Variants in DENND1A observed in about 807,000 individuals in gnomAD.
DENND1A encodes DENN domain-containing protein 1A.
DENND1A carries 51 observed loss-of-function variants against 113.7 expected under a neutral mutation model. The ratio of observed to expected loss-of-function variants is 0.45; its 90% CI spans 0.36 to 0.57. The LOEUF (loss-of-function observed/expected upper bound fraction) is 0.57, where lower values mean the gene tolerates loss of function less well. Ranked by LOEUF, DENND1A falls within the 20% of genes least tolerant of loss-of-function variation. DENND1A has a pLI of 0.00. For synonymous variants in DENND1A, 565 were observed against 570.8 expected, an observed-to-expected ratio of 0.99 and a Z score of 0.14; for missense variants, 1,258 against 1,395.9, an observed-to-expected ratio of 0.90 and a Z score of 1.57.
intron 19 of DENND1A, among the ~76,000 whole-genome samples, chr9:123,412,083 C>T (rs905108108): frequency 2.6e-5 from 4 of 151,490 alleles, no homozygotes; most frequent in Non-Finnish European, 5.9e-5. Context: ...CTCCACCATG[C>T]TCCACACAGG....
chr9:123,381,868 G>A lies in DENND1A; in HGVS notation c.2777C>T (p.Ala926Val). The part of the protein sequence containing the change: ...FGAPPASLGP[A>V]FASGLLLSSA... ...GGACAGCAGGAGGCCGGACGCAAAA[G>A]CCGGCCCCAGGGAAGCTGGAGGGGC... is the stretch of plus-strand genomic sequence containing the variant. Residue 926 changes from alanine (A) to valine (V), a missense_variant, in exon 24 of 24, where the codon GCT becomes GTT. By Grantham distance (64) the Ala-to-Val change is moderately conservative. Coordinates refer to ENST00000394215, the MANE Select transcript of DENND1A (RefSeq NM_001352964.2). This position sits in a 1 kb window ranked among gnomAD's most constrained non-coding sequence, Gnocchi z 4.7. The A allele has an allele frequency of 1.4e-6, 2 of 1,423,062 alleles. No individual in the cohort carries two copies. The highest frequency in any genetic ancestry group is 1.8e-6 in the Non-Finnish European group (2 of 1,084,050). The allele number at this position is 1,423,062 out of a possible 1,614,324, so 88.2% of individuals were successfully genotyped here. A position where few individuals can be genotyped will look rare whatever the true frequency, so the allele number is the denominator to read the frequency against.
At chr9:123,923,524 G>C (rs1856626846) in intron 1 of DENND1A, among the ~76,000 whole-genome samples, 1 of 152,220 alleles carries the variant, frequency 6.6e-6, no homozygotes, top group South Asian at 2.1e-4. Context: ...TACGTTAGTT[G>C]TGCTATACAA....
In DENND1A at chr9:123,529,886, A is replaced by G. The variant is rs376963728; in HGVS notation, c.993+27684T>C. Among the ~76,000 whole-genome samples the G allele has an allele frequency of 5.9e-5, 9 of 152,376 alleles. No individual in the cohort carries two copies. The East Asian group carries it at 1.7e-3, about 29-fold the overall frequency. ...AGGTGTTAGGCAGACATGGATTCAG[A>G]TCCAGGCTCTACCTCTTACTAGCTA... is the stretch of plus-strand genomic sequence containing the variant. On this transcript the variant is annotated intron_variant, in intron 13 of 23. Coordinates refer to ENST00000394215, the MANE Select transcript of DENND1A (RefSeq NM_001352964.2).
Position 123,467,432 on chromosome 9 carries a change from G to A in DENND1A, c.994-9535C>T, listed in dbSNP as rs139460407. Among the ~76,000 whole-genome samples, 295 of 152,272 alleles carry A rather than the reference G, an allele frequency of 1.9e-3. 6 individuals carry two copies. The highest frequency in any genetic ancestry group is 7.5e-4 in the Non-Finnish European group (51 of 68,022). The stretch of plus-strand genomic sequence containing the variant: ...GCACTTTGGGAGGCTGAGGTGGGTG[G>A]CTCACGAGGTCAAGAGATGGAGACC... On this transcript the variant is annotated intron_variant, in intron 13 of 23. Transcript: ENST00000394215.
At chr9:123,761,339 T>A (rs1332532009) in intron 4 of DENND1A, among the ~76,000 whole-genome samples, 3 of 152,078 alleles carry the variant, frequency 2.0e-5, no homozygotes, top group Admixed American at 6.6e-5. Context: ...GGAAAAGAAT[T>A]TAGTATAAAG....
chr9:123,535,041 G>A (rs2055627348), intron 13 of DENND1A, among the ~76,000 whole-genome samples: 2 of 151,886 alleles, frequency 1.3e-5, no homozygotes, highest in East Asian at 1.9e-4. Flanking sequence ...TTCCCTCATC[G>A]AACACATCAG....
At chr9:123,499,080 C>A (rs1161385541) in intron 13 of DENND1A, among the ~76,000 whole-genome samples, 1 of 152,074 alleles carries the variant, frequency 6.6e-6, no homozygotes, top group Non-Finnish European at 1.5e-5. Flanking sequence ...GTTGCCCAGA[C>A]TGGAGTGCAG....
intron 8 of DENND1A, among the ~76,000 whole-genome samples, chr9:123,660,356 G>A (rs752478966): frequency 3.3e-5 from 5 of 152,108 alleles, no homozygotes; most frequent in Non-Finnish European, 7.4e-5. Flanking sequence ...TTCATTAGTA[G>A]CAAAACCAGC....
intron 1 of DENND1A, among the ~76,000 whole-genome samples, chr9:123,887,210 C>G (rs1010655644): frequency 8.5e-5 from 13 of 152,156 alleles, no homozygotes; most frequent in African/African-American, 3.1e-4. Context: ...ACCTCCCCTT[C>G]CCTTTCTGAA....
intron 11 of DENND1A, among the ~76,000 whole-genome samples, chr9:123,597,512 A>G (rs1324953471): frequency 6.6e-6 from 1 of 152,154 alleles, no homozygotes; most frequent in East Asian, 1.9e-4. Flanking sequence ...GGAAAATCAT[A>G]TTCAGGAGAC....
At chr9:123,843,147 T>C in intron 2 of DENND1A, 2 of 553,562 alleles carry the variant, frequency 3.6e-6, no homozygotes, top group Non-Finnish European at 7.3e-6. Flanking sequence ...CTCAATATTG[T>C]AAACACACTT....
intron 13 of DENND1A, among the ~76,000 whole-genome samples, chr9:123,513,558 C>T (rs368697680): frequency 3.3e-5 from 5 of 152,178 alleles, no homozygotes; most frequent in East Asian, 1.9e-4. Context: ...GACGCCAGAG[C>T]GGGAAGAGCC....
At chr9:123,835,837 T>C (rs1840977720) in intron 2 of DENND1A, among the ~76,000 whole-genome samples, 1 of 152,198 alleles carries the variant, frequency 6.6e-6, no homozygotes, top group Middle Eastern at 3.4e-3. Flanking sequence ...TTCCTGAGGA[T>C]ATGGTAAAAA....
At chr9:123,918,708 G>C (rs1168838724) in intron 1 of DENND1A, among the ~76,000 whole-genome samples, 2 of 152,042 alleles carry the variant, frequency 1.3e-5, no homozygotes, top group Non-Finnish European at 2.9e-5. Flanking sequence ...CTGTATCTCA[G>C]AGCAACCAAA....
chr9:123,442,892 A>G (rs1273920543), intron 18 of DENND1A, among the ~76,000 whole-genome samples: 2 of 152,152 alleles, frequency 1.3e-5, no homozygotes, highest in Non-Finnish European at 2.9e-5. Flanking sequence ...AATGGGTGAA[A>G]TGAGATAGGA....
intron 5 of DENND1A, among the ~76,000 whole-genome samples, chr9:123,688,156 G>A (rs1247700918): frequency 2.0e-5 from 3 of 152,056 alleles, no homozygotes; most frequent in East Asian, 3.9e-4. Context: ...CCCAGATACC[G>A]AATGGCAAAA....
At chr9:123,915,660 A>C (rs570774339) in intron 1 of DENND1A, among the ~76,000 whole-genome samples, 4 of 152,192 alleles carry the variant, frequency 2.6e-5, no homozygotes, top group African/African-American at 9.7e-5. Flanking sequence ...GATACTGTCT[A>C]AAGTTAATTA....
At chr9:123,578,004 A>T (rs1183229157) in intron 12 of DENND1A, among the ~76,000 whole-genome samples, 1 of 152,148 alleles carries the variant, frequency 6.6e-6, no homozygotes, top group African/African-American at 2.4e-5. Flanking sequence ...GACTTGTGTG[A>T]GCTCTGAGAA....
At chr9:123,471,361 A>G (rs2049407856) in intron 13 of DENND1A, among the ~76,000 whole-genome samples, 1 of 152,192 alleles carries the variant, frequency 6.6e-6, no homozygotes, top group Non-Finnish European at 1.5e-5. Context: ...AGGCATGGAA[A>G]GTGCCTAGTG....
Sources: gnomAD v4.1 joint callset for allele counts (sites outside exome capture counted in the v4.1 genomes callset) on GRCh38, gnomAD v4.1.1 for gene constraint, Gnocchi (gnomAD v3.1) non-coding constraint, MANE v1.5 for transcripts, NCBI Gene and HGNC (gene_info 2026-07-23, HGNC 2026-07-21) for gene names.